Variants in RSU1 observed in about 807,000 individuals in gnomAD.
RSU1 encodes the protein Ras suppressor protein 1, also known as rsu-1.
A neutral mutation model predicts 31.1 loss-of-function variants in RSU1; 26 were observed. The observed-to-expected ratio is 0.84, with a 90% CI of 0.61 to 1.16. The LOEUF is 1.16. RSU1 is among the 50% of genes most tolerant of loss of function. The probability of loss-of-function intolerance (pLI) is 0.00; values close to 1 mark genes in which losing one functional copy is unlikely to be tolerated. For synonymous variants in RSU1, 164 were observed against 136.3 expected (o/e 1.20, Z -1.41); for missense variants, 320 against 339.1 (o/e 0.94, Z 0.44).
chr10:16,641,863 G>T (rs1834448851), intron 8 of RSU1, among the ~76,000 whole-genome samples: 1 of 152,184 alleles, frequency 6.6e-6, no homozygotes, highest in South Asian at 2.1e-4. Context: ...CTCTGAGCAG[G>T]GTAAGGCATC....
At chr10:16,724,942 C>T (rs1001343122) in intron 7 of RSU1, among the ~76,000 whole-genome samples, 1 of 152,188 alleles carries the variant, frequency 6.6e-6, no homozygotes, top group Non-Finnish European at 1.5e-5. Flanking sequence ...TGGTTCCGTT[C>T]ATGTAGAATC....
intron 8 of RSU1, among the ~76,000 whole-genome samples, chr10:16,609,840 G>C (rs770130178): frequency 9.2e-5 from 14 of 152,190 alleles, no homozygotes; most frequent in Non-Finnish European, 1.8e-4. Flanking sequence ...CTCATAAGCT[G>C]TTTCTAAAAT....
At chr10:16,632,716 A>C (rs1321611634) in intron 8 of RSU1, among the ~76,000 whole-genome samples, 1 of 152,178 alleles carries the variant, frequency 6.6e-6, no homozygotes, top group East Asian at 1.9e-4. Flanking sequence ...AGATGGGCAT[A>C]TCACTTGAGC....
intron 8 of RSU1, among the ~76,000 whole-genome samples, chr10:16,655,983 C>T (rs1302541089): frequency 6.7e-6 from 1 of 149,950 alleles, no homozygotes; most frequent in Admixed American, 6.8e-5. Context: ...AATAAAAATA[C>T]AAGAAATGTG....
chr10:16,752,335 AC>A (rs1398299366), intron 7 of RSU1, among the ~76,000 whole-genome samples: 1 of 152,196 alleles, frequency 6.6e-6, no homozygotes, highest in Non-Finnish European at 1.5e-5. Flanking sequence ...AGGGGACACT[AC>A]AGCTGCAGAA....
chr10:16,616,136 A>G (rs982691700), intron 8 of RSU1, among the ~76,000 whole-genome samples: 2 of 152,146 alleles, frequency 1.3e-5, no homozygotes, highest in Non-Finnish European at 2.9e-5. Flanking sequence ...CTAACAAAGA[A>G]AAAGAGAAGA....
At chr10:16,766,465 A>T (rs1173718733) in intron 3 of RSU1, among the ~76,000 whole-genome samples, 4 of 152,222 alleles carry the variant, frequency 2.6e-5, no homozygotes, top group Non-Finnish European at 5.9e-5. Context: ...CCTGTAACCC[A>T]GCACTTTAGG....
intron 8 of RSU1, among the ~76,000 whole-genome samples, chr10:16,660,346 G>A (rs148725644): frequency 0.017 from 2,521 of 152,186 alleles, 29 homozygotes; most frequent in Middle Eastern, 0.041. Context: ...CCTGTTGTGC[G>A]GTGAGAAATA....
intron 8 of RSU1, among the ~76,000 whole-genome samples, chr10:16,596,084 G>A (rs1833607768): frequency 6.6e-6 from 1 of 152,144 alleles, no homozygotes; most frequent in African/African-American, 2.4e-5. Context: ...GGCACCTGGG[G>A]GTCCTGGGTC....
chr10:16,594,420 T>C (rs1333421076), intron 8 of RSU1, among the ~76,000 whole-genome samples: 1 of 151,558 alleles, frequency 6.6e-6, no homozygotes, highest in Non-Finnish European at 1.5e-5. Context: ...CATTTTTTTT[T>C]TTTTCCTGAG....
At chr10:16,680,026 C>A (rs907392332) in intron 8 of RSU1, among the ~76,000 whole-genome samples, 3 of 151,916 alleles carry the variant, frequency 2.0e-5, no homozygotes, top group African/African-American at 7.3e-5. Flanking sequence ...GGATTACAGA[C>A]GTGCACCACC....
At chr10:16,636,062 C>G (rs1834339709) in intron 8 of RSU1, among the ~76,000 whole-genome samples, 2 of 152,182 alleles carry the variant, frequency 1.3e-5, no homozygotes, top group Admixed American at 1.3e-4. Context: ...TGCCTCCAGG[C>G]TTGGTGTATG....
At chr10:16,684,081 AG>A (rs1236288720) in intron 8 of RSU1, among the ~76,000 whole-genome samples, 1 of 152,200 alleles carries the variant, frequency 6.6e-6, no homozygotes, top group Non-Finnish European at 1.5e-5. Flanking sequence ...ACAAGGTGCT[AG>A]ACACTCAGTT....
At chr10:16,656,681 C>T (rs1259094208) in intron 8 of RSU1, among the ~76,000 whole-genome samples, 2 of 152,178 alleles carry the variant, frequency 1.3e-5, no homozygotes, top group African/African-American at 4.8e-5. Context: ...ATTAACAGAG[C>T]TAAACTAGAA....
chr10:16,745,388 G>A (rs1048832284), intron 7 of RSU1, among the ~76,000 whole-genome samples: 3 of 152,080 alleles, frequency 2.0e-5, no homozygotes, highest in East Asian at 1.9e-4. Flanking sequence ...GTTCTAGTCC[G>A]TTTTCACGCT....
At chr10:16,603,038 TG>T (rs971732785) in intron 8 of RSU1, among the ~76,000 whole-genome samples, 15 of 152,272 alleles carry the variant, frequency 9.9e-5, no homozygotes, top group East Asian at 9.6e-4. Context: ...CAAAAGGAAA[TG>T]TTTTTTTTTC....
Position 16,593,211 on chromosome 10 carries a change from A to G in RSU1, c.*183T>C, listed in dbSNP as rs1833541123. On this transcript the variant is annotated 3_prime_UTR_variant, in exon 9 of 9. Transcript: ENST00000345264. ...CAAATGGAAATGGTTTAAAGACCTT[A>G]TAACAATCTCCCACCTAGCAAAAGA... The G allele has an allele frequency of 2.9e-5, 34 of 1,191,828 alleles. 1 individual carries two copies. The South Asian group carries it at 6.0e-4, about 21-fold the overall frequency. 73.8% of individuals were successfully genotyped at this position (1,191,828 alleles called of 1,614,324 possible). A position where few individuals can be genotyped will look rare whatever the true frequency, so the allele number is the denominator to read the frequency against.
At chr10:16,611,628 C>A (rs1331550336) in intron 8 of RSU1, among the ~76,000 whole-genome samples, 2 of 152,220 alleles carry the variant, frequency 1.3e-5, no homozygotes, top group African/African-American at 2.4e-5. Flanking sequence ...CTGCTTCTAA[C>A]TCCCATGTAC....
At chr10:16,747,828 T>C (rs1225986464) in intron 7 of RSU1, among the ~76,000 whole-genome samples, 3 of 151,570 alleles carry the variant, frequency 2.0e-5, no homozygotes, top group Non-Finnish European at 2.9e-5. Context: ...AGCACAGGAG[T>C]TTGAGACTAG....
Sources: allele counts gnomAD v4.1 joint callset (sites outside exome capture counted in the v4.1 genomes callset), GRCh38; gene constraint gnomAD v4.1.1; transcripts MANE v1.5; gene names NCBI Gene and HGNC (gene_info 2026-07-23, HGNC 2026-07-21).